Variants in STAB1 observed in about 807,000 individuals in gnomAD.
STAB1 encodes the protein stabilin 1.
STAB1 carries 250 observed loss-of-function variants against 332.4 expected under a neutral mutation model. That is an observed-to-expected ratio of 0.75 (90% CI 0.68 to 0.84). The LOEUF (loss-of-function observed/expected upper bound fraction) is 0.84. STAB1 is among the 40% of genes least tolerant of loss of function. The pLI is 0.00. For missense variants in STAB1, 3,249 were observed against 3,489.7 expected, an observed-to-expected ratio of 0.93 and a Z score of 1.74; for synonymous variants, 1,475 against 1,390.4, an observed-to-expected ratio of 1.06 and a Z score of -1.35.
In STAB1 at chr3:52,510,247, T is replaced by C. The variant is rs754606363; in HGVS notation, c.2628+12T>C. The C allele has an allele frequency of 3.1e-6, 5 of 1,614,000 alleles. No homozygotes were observed. Among genetic ancestry groups the C allele is most frequent in the Non-Finnish European group, 4.2e-6 (5 of 1,180,008 alleles). On this transcript the variant is annotated intron_variant, in intron 24 of 68. Coordinates refer to ENST00000321725, the MANE Select transcript of STAB1 (RefSeq NM_015136.3). ...GCTGCTCAGAGAATGTCAGTCCCCT[T>C]GCTCCTTCCCTGAAGTTCTGACCCA...
chr3:52,519,392 T>G lies in STAB1; in HGVS notation c.5163T>G (p.Ala1721=), dbSNP rs780871456. ...CGCTGCACTGGGAGCCTGATGATGCTCCCATCCCGAGGGTATGACAAGCAC... is the reference window on the plus strand; with the variant it reads ...CGCTGCACTGGGAGCCTGATGATGCGCCCATCCCGAGGGTATGACAAGCAC... ...PEALHWEPDD[A]PIPRRNVTAA... is the part of the protein sequence containing the mutation. The change falls in exon 49 of 69, where the codon GCT becomes GCG. Residue 1721 remains alanine (A), a synonymous_variant. Transcript: ENST00000321725. 6.2e-7 allele frequency: 1 copy of G among 1,612,976 alleles called. No homozygotes were observed. Among genetic ancestry groups the G allele is most frequent in the East Asian group, 2.2e-5 (1 of 44,878 alleles).
Position 52,503,908 on chromosome 3 carries a change from C to T in STAB1, c.1022+6C>T. 1 of 1,613,084 alleles carries T rather than the reference C, an allele frequency of 6.2e-7. No homozygotes were observed. The highest frequency in any genetic ancestry group is 1.1e-5 in the South Asian group (1 of 91,084). On this transcript the variant is annotated splice_donor_region_variant and intron_variant, in intron 9 of 68. Coordinates refer to ENST00000321725, the MANE Select transcript of STAB1 (RefSeq NM_015136.3). ...ACCGCTGATGGGAAGACCAGGTGAG[C>T]ACAGGTGCCTGGGAGCAGAGACAGT... is the stretch of plus-strand genomic sequence containing the variant.
At position 52,516,825 on chromosome 3, in the gene STAB1, C is replaced by T. The variant is rs562561457; in HGVS notation, c.4363+57C>T. 6 of 1,592,712 alleles carry T rather than the reference C, an allele frequency of 3.8e-6. No individual in the cohort carries two copies. The South Asian group carries it at 4.5e-5, about 12-fold the overall frequency. Reference sequence around the variant, plus strand: ...TGAAATTTTGGGGTGGCTGTCCCCACAGAGCCCCCTTCACTTCCTCTAGGC... The same window carrying T: ...TGAAATTTTGGGGTGGCTGTCCCCATAGAGCCCCCTTCACTTCCTCTAGGC... On this transcript the variant is annotated intron_variant, in intron 41 of 68. Coordinates refer to ENST00000321725, the MANE Select transcript of STAB1 (RefSeq NM_015136.3).
chr3:52,502,141 T>C lies in STAB1; in HGVS notation c.418-18T>C. On this transcript the variant is annotated intron_variant, in intron 4 of 68. Transcript: ENST00000321725. ...GAGGCTCAGAGGGGCCACGCTGACT[T>C]GGTGCATCCACCACCAGGAAAACTT... is the stretch of plus-strand genomic sequence containing the variant. 6.2e-7 allele frequency: 1 copy of C among 1,613,536 alleles called. No individual in the cohort carries two copies. The highest frequency in any genetic ancestry group is 8.5e-7 in the Non-Finnish European group (1 of 1,179,994).
At position 52,513,867 on chromosome 3, in the gene STAB1, C is replaced by T. The variant is rs1223190105; in HGVS notation, c.3349-16C>T. On this transcript the variant is annotated splice_polypyrimidine_tract_variant and intron_variant, in intron 31 of 68. Coordinates refer to ENST00000321725, the MANE Select transcript of STAB1 (RefSeq NM_015136.3). ...GAAGCAATGACATACTGACCAGGCC[C>T]TGTGCTCTGTACCAGGTCTTACTGC... 1.9e-6 allele frequency: 3 copies of T among 1,610,988 alleles called. No homozygotes were observed. Among genetic ancestry groups the T allele is most frequent in the Non-Finnish European group, 2.5e-6 (3 of 1,178,398 alleles).
rs1363147704 is a variant in STAB1 at position 52,510,019 on chromosome 3, C to A, written c.2497C>A (p.Leu833Met). Residue 833 changes from leucine (L) to methionine (M), a missense_variant, in exon 23 of 69, where the codon CTG (leucine) becomes ATG (methionine). By Grantham distance (15) the Leu-to-Met change is conservative. Coordinates refer to ENST00000321725, the MANE Select transcript of STAB1 (RefSeq NM_015136.3). ...GPTGLAQHCH[L>M]HARCVSQEGV... ...CACAGGGCTGGCCCAGCACTGCCAC[C>A]TGCATGCCCGCTGTGTTAGCCAGGA... The A allele has an allele frequency of 1.2e-6, 2 of 1,607,722 alleles. No homozygotes were observed. Among genetic ancestry groups the A allele is most frequent in the Non-Finnish European group, 1.7e-6 (2 of 1,176,266 alleles).
intron 37 of STAB1, 52 bp downstream of exon 37, chr3:52,515,558 G>GTC: frequency 1.3e-6 from 2 of 1,595,826 alleles, no homozygotes; most frequent in Non-Finnish European, 1.7e-6. Flanking sequence ...GGAGGTGGGA[G>GTC]TGGGTGGGGG....
At chr3:52,514,543 C>G in intron 34 of STAB1, 47 bp downstream of exon 34, 8 of 1,529,640 alleles carry the variant, frequency 5.2e-6, no homozygotes, top group Non-Finnish European at 5.3e-6. Context: ...GCCCCTACCC[C>G]TGAAGATCCC....
At chr3:52,498,933 C>CA (rs1708238384) in intron 1 of STAB1, among the ~76,000 whole-genome samples, 1 of 152,274 alleles carries the variant, frequency 6.6e-6, no homozygotes, top group Non-Finnish European at 1.5e-5. Flanking sequence ...TCCCTGTTTG[C>CA]AGACCGCAGA....
chr3:52,521,799 A>G (rs755950877), intron 57 of STAB1, 45 bp from the exon 58 acceptor site: 2 of 1,595,286 alleles, frequency 1.3e-6, no homozygotes, highest in Non-Finnish European at 1.7e-6. Context: ...GAGGCCAGGA[A>G]GGCAACTACT....
At chr3:52,513,827 T>G (rs1241143419) in intron 31 of STAB1, 33 bp downstream of exon 31, 3 of 1,613,184 alleles carry the variant, frequency 1.9e-6, no homozygotes, top group Non-Finnish European at 2.5e-6. Context: ...GCAGGGAAAC[T>G]TGCAGGCAGG....
At chr3:52,505,219 C>G in intron 13 of STAB1, 76 bp downstream of exon 13, 1 of 1,603,222 alleles carries the variant, frequency 6.2e-7, no homozygotes, top group Non-Finnish European at 8.5e-7. Context: ...AGTGAGTGGG[C>G]AGGAGCCATT....
intron 1 of STAB1, among the ~76,000 whole-genome samples, chr3:52,499,756 G>A (rs1434351377): frequency 2.6e-5 from 4 of 151,300 alleles, no homozygotes; most frequent in East Asian, 1.9e-4. Context: ...AAAATTAGCC[G>A]GGCGTAGTGG....
chr3:52,513,705 G>A lies in STAB1; in HGVS notation c.3271-12G>A, dbSNP rs772618168. On this transcript the variant is annotated splice_polypyrimidine_tract_variant and intron_variant, in intron 30 of 68. Coordinates refer to ENST00000321725, the MANE Select transcript of STAB1 (RefSeq NM_015136.3). Reference sequence around the variant, plus strand: ...TGCCCACCTGTGGCTAAGCTCTGCTGCTGCCTTCCAGAGGGTCTGGGTGCA... The same window carrying A: ...TGCCCACCTGTGGCTAAGCTCTGCTACTGCCTTCCAGAGGGTCTGGGTGCA... 2 of 1,611,736 alleles carry A rather than the reference G, an allele frequency of 1.2e-6. No individual in the cohort carries two copies. The highest frequency in any genetic ancestry group is 2.2e-5 in the East Asian group (1 of 44,856).
chr3:52,505,635 G>GC (rs938030220), intron 14 of STAB1, 33 bp from the exon 15 acceptor site: 1 of 1,604,170 alleles, frequency 6.2e-7, no homozygotes. Context: ...GGCTGGCCAT[G>GC]CAACCCCCTG....
intron 58 of STAB1, 42 bp downstream of exon 58, chr3:52,521,993 T>C (rs1575368881): frequency 6.2e-7 from 1 of 1,607,408 alleles, no homozygotes; most frequent in Non-Finnish European, 8.5e-7. Context: ...AGGCCCCCAC[T>C]CCCCTGCAGT....
In STAB1 at chr3:52,523,016, T is replaced by C. The variant is rs2079128869; in HGVS notation, c.6911-9T>C. The stretch of plus-strand genomic sequence containing the variant: ...AATCTGCTGAGCCACTGACCTGCTT[T>C]TCCTGCAGATGTGGCCTGCCGATGC... On this transcript the variant is annotated splice_polypyrimidine_tract_variant and intron_variant, in intron 62 of 68. Transcript: ENST00000321725. 6.3e-7 allele frequency: 1 copy of C among 1,583,452 alleles called. No homozygotes were observed. The highest frequency in any genetic ancestry group is 8.6e-7 in the Non-Finnish European group (1 of 1,161,136).
chr3:52,502,288 C>A, intron 5 of STAB1, 60 bp downstream of exon 5: 1 of 1,564,064 alleles, frequency 6.4e-7, no homozygotes, highest in Non-Finnish European at 8.7e-7. Context: ...CACGCAGATG[C>A]AGTACCTACA....
At chr3:52,523,165 G>A (rs200063887) in intron 63 of STAB1, 31 bp downstream of exon 63, 188 of 1,610,772 alleles carry the variant, frequency 1.2e-4, no homozygotes, top group Non-Finnish European at 7.2e-5. Context: ...GGGGCGGGGG[G>A]TGCTGGGATC....
Sources: gnomAD v4.1 joint callset for allele counts (sites outside exome capture counted in the v4.1 genomes callset) on GRCh38, gnomAD v4.1.1 for gene constraint, MANE v1.5 for transcripts, NCBI Gene and HGNC (gene_info 2026-07-23, HGNC 2026-07-21) for gene names.